Variants in TMEM164 observed in about 807,000 individuals in gnomAD.
TMEM164 encodes the protein RP13-360B22.2.
TMEM164 carries 4 observed loss-of-function variants against 18.8 expected under a neutral mutation model. The observed-to-expected ratio is 0.21, with a 90% CI of 0.10 to 0.49. The LOEUF is 0.49. Among genes scored for constraint, TMEM164 ranks in the 20% least tolerant of loss-of-function variants. TMEM164 has a pLI of 0.98. For missense variants in TMEM164, 108 were observed against 239.9 expected (o/e 0.45, Z 3.63); for synonymous variants, 86 against 101.7 (o/e 0.85, Z 0.93).
At chrX:110,151,527 T>A (rs1323796474) in intron 5 of TMEM164, among the ~76,000 whole-genome samples, 2 of 112,250 alleles carry the variant, frequency 1.8e-5, no homozygotes, top group Admixed American at 1.9e-4. Context: ...AAGCCTGTAA[T>A]CCCAGCACTT....
At chrX:110,162,348 G>C (rs1208043000) in intron 5 of TMEM164, among the ~76,000 whole-genome samples, 1 of 112,254 alleles carries the variant, frequency 8.9e-6, no homozygotes, top group Non-Finnish European at 1.9e-5. Context: ...ACTGTCAGGG[G>C]GCTGCCTCTC....
intron 2 of TMEM164, among the ~76,000 whole-genome samples, chrX:110,036,171 A>C (rs182390586): frequency 8.9e-6 from 1 of 112,185 alleles, no homozygotes; most frequent in Admixed American, 9.4e-5. Flanking sequence ...TCTTTGGCTC[A>C]GTTTTTCATA....
At chrX:110,136,373 G>A (rs2066691533) in intron 4 of TMEM164, among the ~76,000 whole-genome samples, 1 of 111,921 alleles carries the variant, frequency 8.9e-6, no homozygotes, top group Non-Finnish European at 1.9e-5. Context: ...TCTGTGGTCA[G>A]TTAATGAAGA....
intron 2 of TMEM164, among the ~76,000 whole-genome samples, chrX:110,045,040 G>T (rs1935260771): frequency 8.9e-6 from 1 of 111,847 alleles, no homozygotes; most frequent in Non-Finnish European, 1.9e-5. Flanking sequence ...GCCATCTGTT[G>T]GTTTGTGATG....
At chrX:110,124,180 CAGGA>C (rs1376069595) in intron 4 of TMEM164, among the ~76,000 whole-genome samples, 14 of 67,290 alleles carry the variant, frequency 2.1e-4, no homozygotes, top group Admixed American at 5.6e-4. Flanking sequence ...GGAAGGAAGG[CAGGA>C]AGGCAGGCAG....
intron 5 of TMEM164, among the ~76,000 whole-genome samples, chrX:110,157,492 C>T (rs2067033355): frequency 1.8e-5 from 2 of 111,304 alleles, no homozygotes; most frequent in Admixed American, 9.5e-5. Flanking sequence ...TTCTCTCTGC[C>T]CCAGGGCTGA....
At chrX:110,071,981 C>G (rs1032097944) in intron 3 of TMEM164, among the ~76,000 whole-genome samples, 3 of 110,093 alleles carry the variant, frequency 2.7e-5, no homozygotes, top group Admixed American at 1.9e-4. Flanking sequence ...TTTCTCTTGT[C>G]TGGAATACTT....
chrX:110,024,949 G>A (rs1462009543), intron 2 of TMEM164, among the ~76,000 whole-genome samples: 1 of 110,353 alleles, frequency 9.1e-6, no homozygotes, highest in Admixed American at 9.7e-5. Flanking sequence ...CTATTAGAAT[G>A]GTAGGCTTGA....
chrX:110,162,145 C>T (rs904994950), intron 5 of TMEM164, among the ~76,000 whole-genome samples: 1 of 112,820 alleles, frequency 8.9e-6, no homozygotes, highest in Non-Finnish European at 1.9e-5. Flanking sequence ...ACCTTGTTGC[C>T]TCAGATGATC....
chrX:110,144,779 C>T lies in TMEM164; in HGVS notation c.508-19C>T, dbSNP rs1483324150. 2 of 1,183,747 alleles carry T rather than the reference C, an allele frequency of 1.7e-6. No homozygotes were observed. Among genetic ancestry groups the T allele is most frequent in the African/African-American group, 3.5e-5 (2 of 56,504 alleles). Reference sequence around the variant, plus strand: ...ATGCTTCCTGCTCTAAAACACTTCTCTCCCTCCTATCCTCACAGCTCCCCT... The same window carrying T: ...ATGCTTCCTGCTCTAAAACACTTCTTTCCCTCCTATCCTCACAGCTCCCCT... On this transcript the variant is annotated intron_variant, in intron 4 of 6. Transcript: ENST00000372068.
chrX:110,116,026 G>A (rs1183157825), intron 4 of TMEM164, among the ~76,000 whole-genome samples: 1 of 111,713 alleles, frequency 9.0e-6, no homozygotes, highest in Non-Finnish European at 1.9e-5. Flanking sequence ...CCAGGAGGTC[G>A]AGGCGGTGGT....
intron 2 of TMEM164, among the ~76,000 whole-genome samples, chrX:110,011,840 T>A (rs962843303): frequency 5.4e-5 from 6 of 112,074 alleles, no homozygotes; most frequent in African/African-American, 1.9e-4. Context: ...GCAGAGTTGC[T>A]TCCTCCTTCA....
At chrX:110,021,806 G>A (rs765598985) in intron 2 of TMEM164, among the ~76,000 whole-genome samples, 2 of 112,130 alleles carry the variant, frequency 1.8e-5, no homozygotes, top group South Asian at 3.7e-4. Context: ...TTATGTTTTG[G>A]TTACAAAAAA....
intron 5 of TMEM164, among the ~76,000 whole-genome samples, chrX:110,168,713 G>T (rs918550538): frequency 1.8e-5 from 2 of 112,034 alleles, no homozygotes; most frequent in African/African-American, 3.3e-5. Flanking sequence ...TTCTCTTCTC[G>T]CCCACATGCT....
At chrX:110,126,511 C>T (rs756064460) in intron 4 of TMEM164, among the ~76,000 whole-genome samples, 1 of 111,894 alleles carries the variant, frequency 8.9e-6, no homozygotes, top group African/African-American at 3.2e-5. Flanking sequence ...CTGCTCTCCA[C>T]GTCTATTTTC....
chrX:110,144,673 T>C, intron 4 of TMEM164, 125 bp from the exon 5 acceptor site: 1 of 384,508 alleles, frequency 2.6e-6, no homozygotes, highest in African/African-American at 2.5e-5. Flanking sequence ...TAAAGAGAAG[T>C]GAATTGGTGA....
At chrX:110,141,288 A>T (rs949514823) in intron 4 of TMEM164, among the ~76,000 whole-genome samples, 12 of 112,259 alleles carry the variant, frequency 1.1e-4, no homozygotes, top group South Asian at 3.7e-4. Flanking sequence ...GCGCATGATC[A>T]TAGTCCCTAC....
downstream of TMEM164, among the ~76,000 whole-genome samples, chrX:110,183,722 G>A (rs572597022): frequency 5.3e-5 from 6 of 112,537 alleles, no homozygotes; most frequent in East Asian, 5.6e-4. Flanking sequence ...TCACAGCTAC[G>A]TGGCCTCAGA....
chrX:110,157,103 G>T (rs1204922728), intron 5 of TMEM164, among the ~76,000 whole-genome samples: 1 of 111,564 alleles, frequency 9.0e-6, no homozygotes. Context: ...GAAAACATTG[G>T]AATGAATGAG....
Sources: gnomAD v4.1 joint callset for allele counts (sites outside exome capture counted in the v4.1 genomes callset) on GRCh38, gnomAD v4.1.1 for gene constraint, MANE v1.5 for transcripts, NCBI Gene and HGNC (gene_info 2026-07-23, HGNC 2026-07-21) for gene names.